The following AGT variants were observed in gnomAD, a reference collection of about 807,000 sequenced individuals.
The protein encoded by AGT is angiotensinogen, also known as alpha-1 antiproteinase, antitrypsin.
Under a neutral mutation model 28.1 loss-of-function variants are expected in AGT, and 26 were observed. That is an observed-to-expected ratio of 0.92 (90% confidence interval 0.68 to 1.28). AGT has a LOEUF of 1.28. AGT is among the 50% of genes most tolerant of loss of function. The pLI is 0.00. For missense variants in AGT, 596 were observed against 592.3 expected (o/e 1.01, Z -0.06); for synonymous variants, 259 against 259.6 (o/e 1.00, Z 0.02).
intron 1 of AGT, among the ~76,000 whole-genome samples, chr1:230,738,613 A>C (rs908002552): frequency 2.0e-5 from 3 of 152,192 alleles, no homozygotes; most frequent in African/African-American, 7.2e-5. Flanking sequence ...TTCCATCCAC[A>C]CAAATATTAG....
At position 230,704,196 on chromosome 1, in the gene AGT, C is replaced by A; in HGVS notation, c.1239G>T (p.Gly413=). 1 of 1,614,264 alleles carries A rather than the reference C, an allele frequency of 6.2e-7. No homozygotes were observed. The highest frequency in any genetic ancestry group is 1.1e-5 in the South Asian group (1 of 91,084). The change falls in exon 4 of 5, where the codon GGG becomes GGT. Residue 413 remains glycine, a synonymous_variant. Coordinates refer to ENST00000366667, the MANE Select transcript of AGT (RefSeq NM_001384479.1). ...QKLSNDRIRV[G]EVLNSIFFEL... ...ACAGACACAGGCTCACACATACCTC[C>A]CCCACCCTGATGCGGTCATTGCTCA...
At chr1:230,725,154 A>G (rs1663917088) in intron 1 of AGT, among the ~76,000 whole-genome samples, 1 of 152,252 alleles carries the variant, frequency 6.6e-6, no homozygotes, top group Non-Finnish European at 1.5e-5. Context: ...AAAATTGATT[A>G]AGGGATTAAA....
intron 2 of AGT, among the ~76,000 whole-genome samples, chr1:230,708,914 C>A (rs1461663064): frequency 6.6e-6 from 1 of 152,230 alleles, no homozygotes; most frequent in African/African-American, 2.4e-5. Flanking sequence ...CCTCCCCAGG[C>A]CCATTTTCTG....
chr1:230,704,160 C>T, intron 4 of AGT, 33 bp downstream of exon 4: 1 of 1,614,196 alleles, frequency 6.2e-7, no homozygotes, highest in South Asian at 1.1e-5. Context: ...CACTTGGAAC[C>T]CAGGTCAGGC....
At chr1:230,706,518 G>A (rs1663391869) in intron 2 of AGT, among the ~76,000 whole-genome samples, 1 of 152,178 alleles carries the variant, frequency 6.6e-6, no homozygotes, top group Admixed American at 6.5e-5. Context: ...TACCTGCCAG[G>A]TCAACTCAAA....
At chr1:230,704,904 C>G (rs904119976) in intron 3 of AGT, among the ~76,000 whole-genome samples, 11 of 152,212 alleles carry the variant, frequency 7.2e-5, no homozygotes, top group Admixed American at 7.2e-4. Flanking sequence ...TTACAGGGTA[C>G]ACTGCACTAT....
chr1:230,713,031 C>G (rs1404994232), intron 1 of AGT, among the ~76,000 whole-genome samples: 2 of 152,196 alleles, frequency 1.3e-5, no homozygotes, highest in East Asian at 3.8e-4. Flanking sequence ...CACCATAGTC[C>G]TCACCTTCCC....
intron 1 of AGT, among the ~76,000 whole-genome samples, chr1:230,738,999 G>C (rs1043251152): frequency 6.6e-5 from 10 of 152,102 alleles, no homozygotes; most frequent in African/African-American, 2.4e-4. Context: ...TTATTTCTCA[G>C]TGGTAAGGCA....
chr1:230,736,474 A>T (rs1022856198), intron 1 of AGT, among the ~76,000 whole-genome samples: 1 of 151,874 alleles, frequency 6.6e-6, no homozygotes, highest in African/African-American at 2.4e-5. Flanking sequence ...AGTTGAGATC[A>T]CTCCACTGCA....
intron 1 of AGT, among the ~76,000 whole-genome samples, chr1:230,728,515 C>T (rs1019351293): frequency 5.9e-5 from 9 of 152,138 alleles, no homozygotes; most frequent in African/African-American, 9.7e-5. Context: ...AGATCTCCTC[C>T]GCTGTCATAA....
At chr1:230,704,449 C>G in intron 3 of AGT, 112 bp from the exon 4 acceptor site, 1 of 1,383,348 alleles carries the variant, frequency 7.2e-7, no homozygotes, top group Non-Finnish European at 1.0e-6. Flanking sequence ...GGGATGTTTG[C>G]TCCCCCCATC....
intron 1 of AGT, among the ~76,000 whole-genome samples, chr1:230,727,811 C>T (rs916196553): frequency 3.3e-5 from 5 of 152,192 alleles, no homozygotes; most frequent in African/African-American, 1.2e-4. Context: ...GAACCTCAGT[C>T]ACATTGAAGA....
At chr1:230,704,655 T>C (rs1663332180) in intron 3 of AGT, among the ~76,000 whole-genome samples, 2 of 152,268 alleles carry the variant, frequency 1.3e-5, no homozygotes, top group Non-Finnish European at 2.9e-5. Flanking sequence ...TTTTAAATGC[T>C]ATTCTCTGAA....
intron 1 of AGT, among the ~76,000 whole-genome samples, chr1:230,722,322 G>A (rs1663863185): frequency 1.3e-5 from 2 of 152,256 alleles, no homozygotes; most frequent in South Asian, 4.1e-4. Context: ...CTACTGCAGG[G>A]GTGGAGATCC....
intron 1 of AGT, among the ~76,000 whole-genome samples, chr1:230,732,849 G>C (rs1244773062): frequency 6.6e-6 from 1 of 152,176 alleles, no homozygotes; most frequent in African/African-American, 2.4e-5. Flanking sequence ...AATCCAAGAA[G>C]TGGCCCCACA....
chr1:230,726,544 A>G (rs1663945838), intron 1 of AGT, among the ~76,000 whole-genome samples: 1 of 152,214 alleles, frequency 6.6e-6, no homozygotes, highest in Non-Finnish European at 1.5e-5. Flanking sequence ...CTACTGGCTA[A>G]GGTGGGAGAG....
intron 1 of AGT, among the ~76,000 whole-genome samples, chr1:230,727,382 T>A (rs905519832): frequency 4.6e-5 from 7 of 152,174 alleles, no homozygotes; most frequent in African/African-American, 1.4e-4. Context: ...GAGGAAAATA[T>A]CCAACTGCCC....
intron 1 of AGT, among the ~76,000 whole-genome samples, chr1:230,732,515 G>A (rs187496756): frequency 4.6e-5 from 7 of 152,206 alleles, no homozygotes; most frequent in Admixed American, 1.3e-4. Flanking sequence ...GAAAATGCAA[G>A]AATAACTTTT....
upstream of AGT, among the ~76,000 whole-genome samples, chr1:230,718,490 G>A (rs768585878): frequency 4.0e-5 from 6 of 151,592 alleles, no homozygotes; most frequent in African/African-American, 9.7e-5. Flanking sequence ...CTTGTTCATC[G>A]TATATATCTG....
Sources: allele counts gnomAD v4.1 joint callset (sites outside exome capture counted in the v4.1 genomes callset), GRCh38; gene constraint gnomAD v4.1.1; transcripts MANE v1.5; gene names NCBI Gene and HGNC (gene_info 2026-07-23, HGNC 2026-07-21).